Variants in CDH1 observed in about 807,000 individuals in gnomAD.
CDH1 encodes cadherin 1, also known as cadherin-1.
CDH1 carries 35 observed loss-of-function variants against 84.5 expected under a neutral mutation model. That is an observed-to-expected ratio of 0.41 (90% CI 0.32 to 0.55). The LOEUF (loss-of-function observed/expected upper bound fraction) is 0.55. Among genes scored for constraint, CDH1 ranks in the 20% least tolerant of loss-of-function variants. The pLI is 0.19. For synonymous variants in CDH1, 417 were observed against 439.0 expected (o/e 0.95, Z 0.63); for missense variants, 994 against 1,126.6 (o/e 0.88, Z 1.68).
chr16:68,824,532 A>G (rs762061852), intron 13 of CDH1, among the ~76,000 whole-genome samples: 7 of 152,222 alleles, frequency 4.6e-5, no homozygotes, highest in Non-Finnish European at 1.0e-4. Context: ...TGGCCCAAAC[A>G]CAGCCACATC....
At chr16:68,757,432 T>C (rs145326441) in intron 2 of CDH1, among the ~76,000 whole-genome samples, 101 of 152,308 alleles carry the variant, frequency 6.6e-4, no homozygotes, top group African/African-American at 2.3e-3. Flanking sequence ...TTCTTTGGGC[T>C]TTGTAATTTG....
intron 2 of CDH1, among the ~76,000 whole-genome samples, chr16:68,741,537 T>C (rs559925712): frequency 3.3e-5 from 5 of 151,986 alleles, no homozygotes; most frequent in Non-Finnish European, 5.9e-5. Context: ...CAGGGGACTT[T>C]GGAGTGTTTG....
chr16:68,808,261 G>A (rs1038881912), intron 3 of CDH1, among the ~76,000 whole-genome samples, 163 bp from the exon 4 acceptor site: 4 of 152,158 alleles, frequency 2.6e-5, no homozygotes, highest in African/African-American at 9.7e-5. Context: ...GGTCATTTTG[G>A]TGGATATATA....
intron 15 of CDH1, among the ~76,000 whole-genome samples, chr16:68,832,811 A>T (rs1331166672): frequency 6.6e-6 from 1 of 151,918 alleles, no homozygotes; most frequent in East Asian, 1.9e-4. Context: ...CAAGAGTGAA[A>T]CCCTGTCTCT....
At chr16:68,787,902 C>T (rs1031898824) in intron 2 of CDH1, among the ~76,000 whole-genome samples, 5 of 146,440 alleles carry the variant, frequency 3.4e-5, no homozygotes, top group African/African-American at 5.1e-5. Flanking sequence ...CTTGGCTCAC[C>T]GCAACCTCCG....
intron 2 of CDH1, among the ~76,000 whole-genome samples, chr16:68,746,022 G>C (rs912822756): frequency 6.6e-6 from 1 of 152,102 alleles, no homozygotes; most frequent in Non-Finnish European, 1.5e-5. Context: ...TCACCATGTT[G>C]GCCAGTCTGG....
At chr16:68,823,340 G>A (rs1186537810) in intron 12 of CDH1, 59 bp from the exon 13 acceptor site, 16 of 1,246,618 alleles carry the variant, frequency 1.3e-5, no homozygotes, top group Non-Finnish European at 1.9e-5. Context: ...TTTTATTCTG[G>A]AATGAGCTTT....
chr16:68,787,816 G>A (rs1048517319), intron 2 of CDH1, among the ~76,000 whole-genome samples: 16 of 120,654 alleles, frequency 1.3e-4, no homozygotes, highest in Admixed American at 6.8e-4. Flanking sequence ...CCACCACCAC[G>A]CCCGGCTAAT....
At chr16:68,756,812 T>G (rs1282461246) in intron 2 of CDH1, among the ~76,000 whole-genome samples, 1 of 152,114 alleles carries the variant, frequency 6.6e-6, no homozygotes, top group Non-Finnish European at 1.5e-5. Context: ...GAGACCAGAT[T>G]GGGCAACAAA....
At chr16:68,742,078 A>C (rs779467574) in intron 2 of CDH1, among the ~76,000 whole-genome samples, 1 of 152,202 alleles carries the variant, frequency 6.6e-6, no homozygotes, top group Non-Finnish European at 1.5e-5. Context: ...GTATTAGCCT[A>C]GTAACCACAG....
Position 68,818,333 on chromosome 16 carries a change from T to C in CDH1, c.1566-947T>C, listed in dbSNP as rs550426490. 2.0e-5 allele frequency among the ~76,000 whole-genome samples: 3 copies of C among 151,912 alleles called. No homozygotes were observed. In the East Asian group the frequency reaches 5.8e-4, roughly 29 times the overall value. ...TCTTAGGAGATAACACATTGACATA[T>C]TTATAAGTAAAGGAACATGACTTCT... On this transcript the variant is annotated intron_variant, in intron 10 of 15. Transcript: ENST00000261769.
chr16:68,802,020 C>T, intron 3 of CDH1, 127 bp downstream of exon 3: 1 of 797,292 alleles, frequency 1.3e-6, no homozygotes, highest in Non-Finnish European at 2.1e-6. Context: ...GTCCTGTGCA[C>T]TGTGTAGGAT....
At chr16:68,757,687 T>C (rs1025881067) in intron 2 of CDH1, among the ~76,000 whole-genome samples, 1 of 152,218 alleles carries the variant, frequency 6.6e-6, no homozygotes. Context: ...CAATCCCAAC[T>C]GGACCCTTAC....
chr16:68,823,114 A>G (rs1961210100), intron 12 of CDH1: 1 of 411,144 alleles, frequency 2.4e-6, no homozygotes, highest in South Asian at 2.6e-5. Context: ...TACCGAACCC[A>G]GCGACATCTG....
At chr16:68,746,999 G>T (rs1442512738) in intron 2 of CDH1, among the ~76,000 whole-genome samples, 1 of 152,108 alleles carries the variant, frequency 6.6e-6, no homozygotes, top group Non-Finnish European at 1.5e-5. Flanking sequence ...GTGTGGGAGT[G>T]GGGGACCCAG....
chr16:68,780,430 A>G (rs1472318397), intron 2 of CDH1, among the ~76,000 whole-genome samples: 3 of 152,020 alleles, frequency 2.0e-5, no homozygotes, highest in Admixed American at 6.6e-5. Context: ...CAGCCTCCCA[A>G]GTAGCTGGGA....
chr16:68,807,351 C>T (rs142504666), intron 3 of CDH1, among the ~76,000 whole-genome samples: 1 of 152,148 alleles, frequency 6.6e-6, no homozygotes, highest in East Asian at 1.9e-4. Context: ...GATAACTCCA[C>T]GTTGAGGACC....
At chr16:68,772,927 AAAAAAC>A (rs1307241656) in intron 2 of CDH1, among the ~76,000 whole-genome samples, 2 of 152,204 alleles carry the variant, frequency 1.3e-5, no homozygotes, top group East Asian at 1.9e-4. Flanking sequence ...ACCCAGTCTC[AAAAAAC>A]AAAAACAAAA....
rs532909336 is a variant in CDH1, at chr16:68,787,637, C to G, written c.164-14033C>G. 4.0e-5 allele frequency among the ~76,000 whole-genome samples: 6 copies of G among 151,816 alleles called. No homozygotes were observed. In the South Asian group the frequency reaches 1.2e-3, roughly 32 times the overall value. On this transcript the variant is annotated intron_variant, in intron 2 of 15. Coordinates refer to ENST00000261769, the MANE Select transcript of CDH1 (RefSeq NM_004360.5). ...GGGATTACAGGTGTGAACCACCATG[C>G]CCAGCCTATAACTATTGTTTTGTTT...
Sources: gnomAD v4.1 joint callset for allele counts (sites outside exome capture counted in the v4.1 genomes callset) on GRCh38, gnomAD v4.1.1 for gene constraint, MANE v1.5 for transcripts, NCBI Gene and HGNC (gene_info 2026-07-23, HGNC 2026-07-21) for gene names.